Variants in RAPGEFL1 observed in about 807,000 individuals in gnomAD.
RAPGEFL1 encodes Rap guanine nucleotide exchange factor like 1.
In RAPGEFL1, 31 loss-of-function variants were observed where a neutral mutation model predicts 64.4. The observed-to-expected ratio is 0.48, with a 90% CI of 0.36 to 0.65. The LOEUF is 0.65. RAPGEFL1 is among the 30% of genes least tolerant of loss of function. The probability of loss-of-function intolerance (pLI) is 0.00; values close to 1 mark genes in which losing one functional copy is unlikely to be tolerated. For synonymous variants in RAPGEFL1, 331 were observed against 274.1 expected, an observed-to-expected ratio of 1.21 and a Z score of -2.05; for missense variants, 682 against 677.4, an observed-to-expected ratio of 1.01 and a Z score of -0.08.
chr17:40,194,232 C>CGTGTGCGTGT lies in RAPGEFL1; in HGVS notation c.*449_*450insCGTGTGTGTG, dbSNP rs1990381934. 1.6e-5 allele frequency: 2 copies of CGTGTGCGTGT among 124,980 alleles called. No homozygotes were observed. The highest frequency in any genetic ancestry group is 3.1e-5 in the Non-Finnish European group (2 of 64,116). The allele number at this position is 124,980 out of a possible 1,614,324, so 7.7% of individuals were successfully genotyped here. ...GGGACCCCCAGGAATATTATGTTGCCGTGTGTGTGTGTGTGTGTGTGTGTG... is the reference window on the plus strand; with the variant it reads ...GGGACCCCCAGGAATATTATGTTGCCGTGTGCGTGTGTGTGTGTGTGTGTGTGTGTGTGTG... On this transcript the variant is annotated 3_prime_UTR_variant, in exon 15 of 15. Transcript: ENST00000620260.
chr17:40,186,574 C>CAAAAAAAAAAAA (rs146110920), intron 4 of RAPGEFL1, among the ~76,000 whole-genome samples: 2 of 26,274 alleles, frequency 7.6e-5, no homozygotes, highest in African/African-American at 9.3e-5. Context: ...GACTCCGTCT[C>CAAAAAAAAAAAA]AAAAAAAAAA....
chr17:40,185,865 G>C (rs1277949309), intron 4 of RAPGEFL1, among the ~76,000 whole-genome samples: 1 of 151,780 alleles, frequency 6.6e-6, no homozygotes, highest in African/African-American at 2.4e-5. Flanking sequence ...TCAGGAGGCT[G>C]AGGCAGGAGA....
chr17:40,177,366 AGCGCG>A (rs1360378438), upstream of RAPGEFL1: 5 of 639,194 alleles, frequency 7.8e-6, no homozygotes, highest in East Asian at 1.6e-4. Flanking sequence ...GGTCAACCCC[AGCGCG>A]CGAGTTCAAG....
At chr17:40,181,193 G>A in intron 1 of RAPGEFL1, 1 of 393,342 alleles carries the variant, frequency 2.5e-6, no homozygotes, top group Non-Finnish European at 5.2e-6. Context: ...GGGAGGGGAA[G>A]AGGGATACAC....
intron 7 of RAPGEFL1, 34 bp downstream of exon 7, chr17:40,190,565 G>C: frequency 6.2e-7 from 1 of 1,614,046 alleles, no homozygotes; most frequent in Non-Finnish European, 8.5e-7. Flanking sequence ...CTGGAATGGA[G>C]GGCTGAGGAG....
rs1437420178 is a variant in RAPGEFL1, at chr17:40,178,164, C to T, written c.303C>T (p.Cys101=). 7.2e-6 allele frequency: 4 copies of T among 554,838 alleles called. No individual in the cohort carries two copies. Among genetic ancestry groups the T allele is most frequent in the Non-Finnish European group, 1.3e-5 (4 of 312,766 alleles). 34.4% of individuals were successfully genotyped at this position (554,838 alleles called of 1,614,324 possible). A position where few individuals can be genotyped will look rare whatever the true frequency, so the allele number is the denominator to read the frequency against. The change falls in exon 1 of 15, where the codon TGC becomes TGT. Residue 101 remains cysteine, a synonymous_variant. Transcript: ENST00000620260. ...VAEEPGSGGP[C]WLQLEEVPGP... ...AGGAGCCGGGCAGCGGGGGGCCCTG[C>T]TGGCTGCAGCTGGAGGAGGTGCCGG...
chr17:40,188,419 T>G lies in RAPGEFL1; in HGVS notation c.834-447T>G, dbSNP rs991092926. On this transcript the variant is annotated intron_variant, in intron 4 of 14. Coordinates refer to ENST00000620260, the MANE Select transcript of RAPGEFL1 (RefSeq NM_016339.6). ...GCCTGTCTATCTCCTTCCTAGACTG[T>G]GAAGTTCTTTTCAGCAAAATTCAGC... is the stretch of plus-strand genomic sequence containing the variant. The G allele has an allele frequency of 1.0e-5, 2 of 198,722 alleles. 1 individual carries two copies. The highest frequency in any genetic ancestry group is 2.1e-5 in the Non-Finnish European group (2 of 96,966). 12.3% of individuals were successfully genotyped at this position (198,722 alleles called of 1,614,324 possible). A position where few individuals can be genotyped will look rare whatever the true frequency, so the allele number is the denominator to read the frequency against.
In RAPGEFL1 at chr17:40,193,941, G is replaced by A. The variant is rs1350066577; in HGVS notation, c.*153G>A. 3 of 1,050,060 alleles carry A rather than the reference G, an allele frequency of 2.9e-6. No homozygotes were observed. Among genetic ancestry groups the A allele is most frequent in the African/African-American group, 1.6e-5 (1 of 61,884 alleles). The allele number at this position is 1,050,060 out of a possible 1,614,324, so 65.0% of individuals were successfully genotyped here. Reference sequence around the variant, plus strand: ...GATGGATTTACCCCTGGACCCATAAGTCTGTTCATCCTGCTGAAGTCCCCT... The same window carrying A: ...GATGGATTTACCCCTGGACCCATAAATCTGTTCATCCTGCTGAAGTCCCCT... On this transcript the variant is annotated 3_prime_UTR_variant, in exon 15 of 15. Coordinates refer to ENST00000620260, the MANE Select transcript of RAPGEFL1 (RefSeq NM_016339.6).
At chr17:40,179,090 A>T (rs1161763804) in intron 1 of RAPGEFL1, among the ~76,000 whole-genome samples, 16 of 147,070 alleles carry the variant, frequency 1.1e-4, no homozygotes, top group Admixed American at 1.1e-3. Context: ...TCTTTTGGAG[A>T]TGTAGTCTCA....
intron 1 of RAPGEFL1, among the ~76,000 whole-genome samples, chr17:40,180,315 G>A (rs1989854657): frequency 6.6e-6 from 1 of 152,090 alleles, no homozygotes; most frequent in South Asian, 2.1e-4. Context: ...TCTCCCCTGG[G>A]GTAAGACTCC....
Position 40,191,670 on chromosome 17 carries a change from G to C in RAPGEFL1, c.1603G>C (p.Glu535Gln). Residue 535 changes from glutamate to glutamine, a missense_variant and splice_region_variant, in exon 10 of 15, where the codon GAG (glutamate) becomes CAG (glutamine). Physicochemically the swap from Glu to Gln is conservative, Grantham distance 29. Transcript: ENST00000620260. The surrounding 1 kb of genome is among the most constrained non-coding windows in gnomAD (Gnocchi z 5.1). ...AAVSRLRLTW[E>Q]KLPGKFKNLF... Reference sequence around the variant, plus strand: ...TGTCAGCCGCCTTCGACTCACCTGGGAGGTGATGAGACCCCTCCCGTTCCT... The same window carrying C: ...TGTCAGCCGCCTTCGACTCACCTGGCAGGTGATGAGACCCCTCCCGTTCCT... 1 of 1,609,680 alleles carries C rather than the reference G, an allele frequency of 6.2e-7. No individual in the cohort carries two copies. The highest frequency in any genetic ancestry group is 8.5e-7 in the Non-Finnish European group (1 of 1,178,486).
At chr17:40,192,467 C>T in intron 11 of RAPGEFL1, 139 bp from the exon 12 acceptor site, 1 of 920,450 alleles carries the variant, frequency 1.1e-6, no homozygotes, top group Non-Finnish European at 1.7e-6. Context: ...GGTCCCTCCC[C>T]ACCACACCAT....
chr17:40,188,558 A>G (rs1037261211), intron 4 of RAPGEFL1: 5 of 367,626 alleles, frequency 1.4e-5, no homozygotes, highest in African/African-American at 2.1e-5. Flanking sequence ...TCAATCTCAT[A>G]GAAGAGATAA....
In RAPGEFL1 at chr17:40,188,103, C is replaced by T. The variant is rs576872344; in HGVS notation, c.834-763C>T. Among the ~76,000 whole-genome samples the T allele has an allele frequency of 5.3e-5, 8 of 151,764 alleles. No homozygotes were observed. In the South Asian group the frequency reaches 1.2e-3, roughly 24 times the overall value. On this transcript the variant is annotated intron_variant, in intron 4 of 14. Coordinates refer to ENST00000620260, the MANE Select transcript of RAPGEFL1 (RefSeq NM_016339.6). The stretch of plus-strand genomic sequence containing the variant: ...CTAATTTTTGTGTTTTTAGTAGAGA[C>T]GGGGTTTCACCATGTTGGCCAGGCT...
Position 40,181,677 on chromosome 17 carries a change from G to A in RAPGEFL1, c.582G>A (p.Leu194=), listed in dbSNP as rs1233624346. ...HSLFLPTEKF[L]QELHQYFVRA... ...TCTTCCTCCCGACGGAGAAATTTCT[G>A]CAGGAGCTACACCAGTAATATCCTT... The change falls in exon 2 of 15, where the codon CTG becomes CTA. Residue 194 remains leucine (L), a synonymous_variant. Coordinates refer to ENST00000620260, the MANE Select transcript of RAPGEFL1 (RefSeq NM_016339.6). 2.8e-6 allele frequency: 2 copies of A among 702,640 alleles called. No homozygotes were observed. The highest frequency in any genetic ancestry group is 1.7e-5 in the African/African-American group (1 of 57,242). 43.5% of individuals were successfully genotyped at this position (702,640 alleles called of 1,614,324 possible).
intron 2 of RAPGEFL1, 92 bp from the exon 3 acceptor site, chr17:40,184,122 G>T: frequency 1.1e-6 from 1 of 950,782 alleles, no homozygotes; most frequent in Non-Finnish European, 1.7e-6. Context: ...GGGATTATAG[G>T]CGTGAGCCAC....
At chr17:40,177,197 G>A (rs1989733237), upstream of RAPGEFL1, 1 of 702,532 alleles carries the variant, frequency 1.4e-6, no homozygotes, top group Admixed American at 2.0e-5. Context: ...GTAGGTGAGT[G>A]AAGGTGTCCA....
At position 40,178,148 on chromosome 17, in the gene RAPGEFL1, G is replaced by A. The variant is rs1381765556; in HGVS notation, c.287G>A (p.Gly96Asp). The A allele has an allele frequency of 7.2e-6, 4 of 556,926 alleles. No individual in the cohort carries two copies. Among genetic ancestry groups the A allele is most frequent in the Admixed American group, 6.7e-5 (2 of 29,658 alleles). 34.5% of individuals were successfully genotyped at this position (556,926 alleles called of 1,614,324 possible). ...GEPAGVAEEP[G>D]SGGPCWLQLE... The stretch of plus-strand genomic sequence containing the variant: ...CCGGCGGGGGTCGCGGAGGAGCCGG[G>A]CAGCGGGGGGCCCTGCTGGCTGCAG... The change falls in exon 1 of 15, where the codon GGC becomes GAC. Residue 96 changes from glycine to aspartate, a missense_variant. Gly to Asp is a moderately conservative substitution (Grantham distance 94). Around this residue, in one of 2 missense-constraint regions of RAPGEFL1, gnomAD observed 271 missense variants for 158.0 expected, o/e 1.72. Coordinates refer to ENST00000620260, the MANE Select transcript of RAPGEFL1 (RefSeq NM_016339.6).
rs1013471702 is a variant in RAPGEFL1 at position 40,191,461 on chromosome 17, A to G, written c.1481A>G (p.Gln494Arg). The G allele has an allele frequency of 6.2e-7, 1 of 1,607,262 alleles. No homozygotes were observed. The highest frequency in any genetic ancestry group is 1.7e-5 in the Admixed American group (1 of 59,512). ...LLCEAPGKRA[Q>R]LLKKFIKIAA... ...TGCGAGGCCCCGGGCAAGCGCGCGC[A>G]GCTGCTCAAGAAGTTCATCAAGATC... Residue 494 changes from glutamine (Q) to arginine (R), a missense_variant, in exon 9 of 15, where the codon CAG becomes CGG. By Grantham distance (43) the Gln-to-Arg change is conservative. Coordinates refer to ENST00000620260, the MANE Select transcript of RAPGEFL1 (RefSeq NM_016339.6). This position sits in a 1 kb window ranked among gnomAD's most constrained non-coding sequence, Gnocchi z 5.1.
Sources: gnomAD v4.1 joint callset for allele counts (sites outside exome capture counted in the v4.1 genomes callset) on GRCh38, gnomAD v4.1.1 for gene constraint, gnomAD v4.1.1 regional missense constraint, Gnocchi (gnomAD v3.1) non-coding constraint, MANE v1.5 for transcripts, NCBI Gene and HGNC (gene_info 2026-07-23, HGNC 2026-07-21) for gene names.